LDB3: variants seen among roughly 807,000 people sequenced by gnomAD.
LDB3 encodes LIM domain-binding protein 3.
Under a neutral mutation model 69.0 loss-of-function variants are expected in LDB3, and 49 were observed. The observed-to-expected ratio is 0.71, with a 90% CI of 0.56 to 0.90. The LOEUF is 0.90. LDB3 is among the 40% of genes least tolerant of loss of function. The pLI is 0.00. For synonymous variants in LDB3, 387 were observed against 396.2 expected, an observed-to-expected ratio of 0.98 and a Z score of 0.28; for missense variants, 928 against 974.1, an observed-to-expected ratio of 0.95 and a Z score of 0.63.
intron 5 of LDB3, among the ~76,000 whole-genome samples, chr10:86,689,216 A>G (rs1402115680): frequency 1.3e-5 from 2 of 151,834 alleles, no homozygotes; most frequent in Non-Finnish European, 2.9e-5. Context: ...CTGCTATCCC[A>G]TGATGGACGC....
chr10:86,679,030 A>G (rs568748590), intron 2 of LDB3, among the ~76,000 whole-genome samples: 40 of 152,114 alleles, frequency 2.6e-4, no homozygotes, highest in Non-Finnish European at 5.7e-4. Flanking sequence ...CCTCCTCTCC[A>G]TGCCCTGCAT....
At chr10:86,724,473 G>A (rs891130071) in intron 12 of LDB3, among the ~76,000 whole-genome samples, 21 of 146,784 alleles carry the variant, frequency 1.4e-4, no homozygotes, top group East Asian at 6.2e-4. Flanking sequence ...GTGTGGTGGC[G>A]CGTGCCTGCC....
chr10:86,706,413 G>C, intron 7 of LDB3, 118 bp from the exon 8 acceptor site: 1 of 1,077,582 alleles, frequency 9.3e-7, no homozygotes, highest in Non-Finnish European at 1.4e-6. Flanking sequence ...TGTTTGCAAG[G>C]CAGGTGGAGC....
At chr10:86,704,373 T>C (rs564020193) in intron 7 of LDB3, among the ~76,000 whole-genome samples, 2 of 152,142 alleles carry the variant, frequency 1.3e-5, no homozygotes, top group South Asian at 2.1e-4. Context: ...ACAATCCCAA[T>C]GGCTCAGGGA....
intron 7 of LDB3, among the ~76,000 whole-genome samples, chr10:86,705,609 G>A (rs1053955874): frequency 3.9e-5 from 6 of 152,132 alleles, no homozygotes; most frequent in African/African-American, 1.2e-4. Flanking sequence ...GGGTGTGGGG[G>A]CACACCTGGT....
At chr10:86,700,353 C>T (rs1181026762) in intron 7 of LDB3, among the ~76,000 whole-genome samples, 3 of 152,172 alleles carry the variant, frequency 2.0e-5, no homozygotes, top group African/African-American at 7.2e-5. Flanking sequence ...TCCTTCCACA[C>T]CCTGCTGCAA....
intron 12 of LDB3, among the ~76,000 whole-genome samples, chr10:86,722,666 C>A (rs1847122159): frequency 7.3e-6 from 1 of 136,714 alleles, no homozygotes; most frequent in Admixed American, 8.3e-5. Flanking sequence ...CTTCTGGGTT[C>A]AAGCAATTCT....
intron 9 of LDB3, among the ~76,000 whole-genome samples, chr10:86,712,876 G>A (rs879403247): frequency 1.2e-4 from 19 of 152,084 alleles, no homozygotes; most frequent in Non-Finnish European, 2.8e-4. Flanking sequence ...AGGGTAACAC[G>A]GTGAAACCCC....
intron 8 of LDB3, among the ~76,000 whole-genome samples, chr10:86,709,246 A>C (rs975515299): frequency 1.3e-5 from 2 of 152,074 alleles, no homozygotes; most frequent in Non-Finnish European, 2.9e-5. Context: ...ATGAACTAGG[A>C]CGCTTTTTTT....
At chr10:86,729,152 G>A (rs370790941) in intron 13 of LDB3, among the ~76,000 whole-genome samples, 2 of 152,186 alleles carry the variant, frequency 1.3e-5, no homozygotes, top group African/African-American at 4.8e-5. Context: ...CATTTGGGCA[G>A]TACAAGAGTG....
chr10:86,668,750 G>A lies in LDB3; in HGVS notation c.59G>A (p.Gly20Asp), dbSNP rs1844291597. Reference sequence around the variant, plus strand: ...CCCTGGGGCTTCCGTCTGCAGGGGGGCAAGGACTTCAACATGCCCCTCACT... The same window carrying A: ...CCCTGGGGCTTCCGTCTGCAGGGGGACAAGGACTTCAACATGCCCCTCACT... ...PGPWGFRLQGGKDFNMPLTIS... is the reference protein window; with the variant it reads ...PGPWGFRLQGDKDFNMPLTIS... Residue 20 changes from glycine (G) to aspartate (D), a missense_variant, in exon 2 of 14, where the codon GGC becomes GAC. By Grantham distance (94) the Gly-to-Asp change is moderately conservative. Transcript: ENST00000361373. 1 of 1,613,276 alleles carries A rather than the reference G, an allele frequency of 6.2e-7. No homozygotes were observed.
chr10:86,675,040 G>C (rs1426988391), intron 2 of LDB3, among the ~76,000 whole-genome samples: 1 of 152,180 alleles, frequency 6.6e-6, no homozygotes, highest in African/African-American at 2.4e-5. Flanking sequence ...GCAGCCAAAG[G>C]CCAGGCCAGC....
At chr10:86,704,825 G>A (rs1589661988) in intron 7 of LDB3, among the ~76,000 whole-genome samples, 2 of 151,770 alleles carry the variant, frequency 1.3e-5, no homozygotes, top group East Asian at 1.9e-4. Flanking sequence ...CTCGTGATCC[G>A]CCCACCTCGG....
chr10:86,716,791 C>T lies in LDB3; in HGVS notation c.1676+20C>T. On this transcript the variant is annotated intron_variant, in intron 10 of 13. Transcript: ENST00000361373. ...CATCCGGTATGGTCCAGCTGTGCCCCTGCACTGGGGCACTGGAAGGGCGTG... is the reference window on the plus strand; with the variant it reads ...CATCCGGTATGGTCCAGCTGTGCCCTTGCACTGGGGCACTGGAAGGGCGTG... 1 of 1,589,534 alleles carries T rather than the reference C, an allele frequency of 6.3e-7. No homozygotes were observed. Among genetic ancestry groups the T allele is most frequent in the Non-Finnish European group, 8.6e-7 (1 of 1,168,484 alleles).
intron 9 of LDB3, among the ~76,000 whole-genome samples, chr10:86,713,623 AAC>A (rs1846753517): frequency 1.3e-5 from 2 of 152,130 alleles, no homozygotes; most frequent in African/African-American, 2.4e-5. Flanking sequence ...CCTTATATAT[AAC>A]AGAGGGATGA....
At chr10:86,672,141 T>G (rs1386209635) in intron 2 of LDB3, among the ~76,000 whole-genome samples, 3 of 152,000 alleles carry the variant, frequency 2.0e-5, no homozygotes, top group African/African-American at 7.2e-5. Context: ...ACAAATAAAA[T>G]GATGCCTTCC....
chr10:86,710,357 G>A (rs563623248), intron 9 of LDB3: 43 of 698,514 alleles, frequency 6.2e-5, no homozygotes, highest in Non-Finnish European at 7.2e-5. Context: ...TGGGAGGCTG[G>A]GGCAGGAGGA....
In LDB3 at chr10:86,706,633, G is replaced by A. The variant is rs1332348876; in HGVS notation, c.999G>A (p.Ser333=). ...PPAAASPSAA[S]PPLATAAAHT... ...CTGCTGCCTCTCCCAGTGCGGCTTCGCCACCCCTGGCCACAGCTGCTGCCC... is the reference window on the plus strand; with the variant it reads ...CTGCTGCCTCTCCCAGTGCGGCTTCACCACCCCTGGCCACAGCTGCTGCCC... The change falls in exon 8 of 14, where the codon TCG becomes TCA. Residue 333 remains serine (S), a synonymous_variant. Transcript: ENST00000361373. 1.1e-5 allele frequency: 18 copies of A among 1,613,018 alleles called. No homozygotes were observed. The highest frequency in any genetic ancestry group is 1.7e-4 in the Middle Eastern group (1 of 6,058).
At chr10:86,724,645 A>T (rs943162723) in intron 12 of LDB3, among the ~76,000 whole-genome samples, 7 of 151,594 alleles carry the variant, frequency 4.6e-5, no homozygotes, top group South Asian at 2.1e-4. Context: ...AATAAATAAA[A>T]TAAATAGATA....
Sources: allele counts gnomAD v4.1 joint callset (sites outside exome capture counted in the v4.1 genomes callset), GRCh38; gene constraint gnomAD v4.1.1; transcripts MANE v1.5; gene names NCBI Gene and HGNC (gene_info 2026-07-23, HGNC 2026-07-21).